HSD17B11: variants seen among roughly 807,000 people sequenced by gnomAD.
HSD17B11 encodes estradiol 17-beta-dehydrogenase 11.
In HSD17B11, 22 loss-of-function variants were observed where a neutral mutation model predicts 27.8. The observed-to-expected ratio is 0.79, with a 90% CI of 0.56 to 1.13. HSD17B11 has a LOEUF of 1.13. Ranked by LOEUF, HSD17B11 falls within the 50% of genes most tolerant of loss-of-function variation. HSD17B11 has a pLI of 0.00. For synonymous variants in HSD17B11, 117 were observed against 132.8 expected (o/e 0.88, Z 0.82); for missense variants, 314 against 351.1 (o/e 0.89, Z 0.84).
At chr4:87,367,296 A>G (rs1318212020) in intron 4 of HSD17B11, among the ~76,000 whole-genome samples, 5 of 152,182 alleles carry the variant, frequency 3.3e-5, no homozygotes, top group Non-Finnish European at 5.9e-5. Flanking sequence ...TACTTTGCCT[A>G]CACAGTCCCT....
chr4:87,376,148 T>C (rs1735820011), intron 2 of HSD17B11, among the ~76,000 whole-genome samples: 1 of 152,202 alleles, frequency 6.6e-6, no homozygotes, highest in African/African-American at 2.4e-5. Context: ...TTTATACTTG[T>C]CTACAAGTAA....
At chr4:87,352,892 G>A (rs12386427) in intron 5 of HSD17B11, among the ~76,000 whole-genome samples, 1 of 71,590 alleles carries the variant, frequency 1.4e-5, no homozygotes, top group Non-Finnish European at 2.6e-5. Flanking sequence ...TTCCAGGTGC[G>A]TCCGTCACCC....
In HSD17B11 at chr4:87,363,129, A is replaced by T. The variant is rs1037635991; in HGVS notation, c.558-5713T>A. ...TTGCTCTGGTCAAAATGAAAAAAAA[A>T]ATTTTTTTCCTTTATGATGCAGCTT... On this transcript the variant is annotated intron_variant, in intron 4 of 6. Coordinates refer to ENST00000358290, the MANE Select transcript of HSD17B11 (RefSeq NM_016245.5). Among the ~76,000 whole-genome samples the T allele has an allele frequency of 4.6e-5, 7 of 152,010 alleles. No homozygotes were observed. The East Asian group carries it at 7.7e-4, about 17-fold the overall frequency.
At chr4:87,353,922 C>G (rs1735332469) in intron 5 of HSD17B11, among the ~76,000 whole-genome samples, 1 of 151,992 alleles carries the variant, frequency 6.6e-6, no homozygotes, top group South Asian at 2.1e-4. Context: ...TGAAGCTTAT[C>G]CTCACTACTT....
chr4:87,359,132 C>T (rs1341734470), intron 4 of HSD17B11, among the ~76,000 whole-genome samples: 1 of 152,128 alleles, frequency 6.6e-6, no homozygotes, highest in Non-Finnish European at 1.5e-5. Context: ...CTGAGGCCTC[C>T]CCAGCCACGC....
At position 87,372,751 on chromosome 4, in the gene HSD17B11, G is replaced by A. The variant is rs1031742679; in HGVS notation, c.515C>T (p.Ser172Leu). Residue 172 changes from serine to leucine, a missense_variant, in exon 4 of 7, where the codon TCG becomes TTG. Coordinates refer to ENST00000358290, the MANE Select transcript of HSD17B11 (RefSeq NM_016245.5). ...GGGGACCGAGACATGTCCAGCTGCC[G>A]AAGCCACAGTGACAATATGGCCATG... ...NNHGHIVTVA[S>L]AAGHVSVPFL... is the part of the protein sequence containing the mutation. 1.5e-5 allele frequency: 25 copies of A among 1,613,614 alleles called. No homozygotes were observed. Among genetic ancestry groups the A allele is most frequent in the Middle Eastern group, 1.6e-4 (1 of 6,084 alleles).
chr4:87,364,068 T>C (rs975451216), intron 4 of HSD17B11, among the ~76,000 whole-genome samples: 3 of 152,192 alleles, frequency 2.0e-5, no homozygotes, highest in Non-Finnish European at 4.4e-5. Flanking sequence ...AAAAGGCCTT[T>C]ATGTTTTTCT....
At chr4:87,369,569 G>A (rs1735672223) in intron 4 of HSD17B11, among the ~76,000 whole-genome samples, 3 of 151,988 alleles carry the variant, frequency 2.0e-5, no homozygotes, top group Admixed American at 2.0e-4. Flanking sequence ...GCGTAGCTGG[G>A]ACTACAAGCA....
Position 87,374,850 on chromosome 4 carries a change from A to G in HSD17B11, c.319-20T>C. ...CTTCACCTTCAAAAAATAAAATAAG[A>G]AAAGTAAATTCATTAAGAGGTATGA... is the stretch of plus-strand genomic sequence containing the variant. On this transcript the variant is annotated intron_variant, in intron 2 of 6. Transcript: ENST00000358290. 3.3e-6 allele frequency: 5 copies of G among 1,537,268 alleles called. No homozygotes were observed. Among genetic ancestry groups the G allele is most frequent in the Non-Finnish European group, 4.4e-6 (5 of 1,134,148 alleles).
At chr4:87,377,908 CAAT>C (rs1354120625) in intron 2 of HSD17B11, among the ~76,000 whole-genome samples, 1 of 152,164 alleles carries the variant, frequency 6.6e-6, no homozygotes, top group African/African-American at 2.4e-5. Context: ...CACAGTAACT[CAAT>C]GAGACAGCAA....
intron 5 of HSD17B11, among the ~76,000 whole-genome samples, chr4:87,341,326 C>A (rs1735162810): frequency 1.3e-5 from 2 of 152,060 alleles, no homozygotes; most frequent in African/African-American, 4.8e-5. Context: ...TGTACGCCAC[C>A]ACTCCAGGCT....
chr4:87,374,994 A>G lies in HSD17B11; in HGVS notation c.319-164T>C, dbSNP rs187958977. On this transcript the variant is annotated intron_variant, in intron 2 of 6. Coordinates refer to ENST00000358290, the MANE Select transcript of HSD17B11 (RefSeq NM_016245.5). ...CTGCAACCTCCACCTCCCGGGTTCAAGAGATTCTCTGGCCTCAGCTTCCCA... is the reference window on the plus strand; with the variant it reads ...CTGCAACCTCCACCTCCCGGGTTCAGGAGATTCTCTGGCCTCAGCTTCCCA... Among the ~76,000 whole-genome samples the G allele has an allele frequency of 1.2e-3, 178 of 152,222 alleles. 1 individual carries two copies. In the Middle Eastern group the frequency reaches 0.02, roughly 17 times the overall value.
intron 4 of HSD17B11, among the ~76,000 whole-genome samples, chr4:87,371,012 A>T (rs1471515028): frequency 3.6e-5 from 5 of 138,232 alleles, no homozygotes; most frequent in African/African-American, 1.2e-4. Context: ...TCGGCCTCCC[A>T]AAGTGCTGGG....
chr4:87,384,236 C>A (rs2110133481), intron 1 of HSD17B11, among the ~76,000 whole-genome samples: 1 of 152,276 alleles, frequency 6.6e-6, no homozygotes, highest in Non-Finnish European at 1.5e-5. Flanking sequence ...ATTTCTTATG[C>A]CTGTAATCTC....
intron 4 of HSD17B11, among the ~76,000 whole-genome samples, chr4:87,361,799 G>A (rs769102914): frequency 6.6e-6 from 1 of 152,126 alleles, no homozygotes; most frequent in South Asian, 2.1e-4. Context: ...ACTTTGCACT[G>A]TGGACTCACC....
At chr4:87,346,687 G>A (rs1735275238) in intron 5 of HSD17B11, among the ~76,000 whole-genome samples, 1 of 151,936 alleles carries the variant, frequency 6.6e-6, no homozygotes, top group Non-Finnish European at 1.5e-5. Context: ...TATTATTGTT[G>A]GCCAATTTAA....
chr4:87,339,021 T>C (rs1188376863), intron 6 of HSD17B11, among the ~76,000 whole-genome samples: 1 of 152,198 alleles, frequency 6.6e-6, no homozygotes, highest in Non-Finnish European at 1.5e-5. Flanking sequence ...TTTGAGTCTT[T>C]ATGTTTAAAG....
At chr4:87,361,513 A>G (rs1345217476) in intron 4 of HSD17B11, among the ~76,000 whole-genome samples, 1 of 152,162 alleles carries the variant, frequency 6.6e-6, no homozygotes, top group African/African-American at 2.4e-5. Flanking sequence ...CATGCCTGTA[A>G]TCCTGGCACT....
chr4:87,377,223 AG>A (rs953114632), intron 2 of HSD17B11, among the ~76,000 whole-genome samples: 19 of 152,116 alleles, frequency 1.2e-4, no homozygotes, highest in Non-Finnish European at 7.4e-5. Context: ...AGGCTGAGGC[AG>A]GTGGATCATG....
Sources: allele counts gnomAD v4.1 joint callset (sites outside exome capture counted in the v4.1 genomes callset), GRCh38; gene constraint gnomAD v4.1.1; transcripts MANE v1.5; gene names NCBI Gene and HGNC (gene_info 2026-07-23, HGNC 2026-07-21).